The following GRIK4 variants were observed in gnomAD, a reference collection of about 807,000 sequenced individuals.
GRIK4 encodes glutamate receptor ionotropic, kainate 4.
Under a neutral mutation model 104.9 loss-of-function variants are expected in GRIK4, and 40 were observed. The observed-to-expected ratio is 0.38, with a 90% CI of 0.30 to 0.50. The LOEUF (loss-of-function observed/expected upper bound fraction) is 0.50, where lower values mean the gene tolerates loss of function less well. Ranked by LOEUF, GRIK4 falls within the 20% of genes least tolerant of loss-of-function variation. The pLI, the probability that GRIK4 is intolerant of heterozygous loss-of-function variation, is 0.93. For synonymous variants in GRIK4, 485 were observed against 524.9 expected (o/e 0.92, Z 1.04); for missense variants, 1,047 against 1,308.1 (o/e 0.80, Z 3.08).
At chr11:120,516,173 G>T (rs1202405296) in intron 1 of GRIK4, among the ~76,000 whole-genome samples, 1 of 152,206 alleles carries the variant, frequency 6.6e-6, no homozygotes, top group East Asian at 1.9e-4. Flanking sequence ...CCCCTGTTTG[G>T]GGGGTGGGCA....
chr11:120,850,145 C>T (rs772849928), intron 8 of GRIK4, among the ~76,000 whole-genome samples: 18 of 152,208 alleles, frequency 1.2e-4, no homozygotes, highest in Non-Finnish European at 2.1e-4. Context: ...GTTCATATCT[C>T]CTTGGCTTCC....
At chr11:120,615,798 G>T (rs1949104618) in intron 1 of GRIK4, among the ~76,000 whole-genome samples, 1 of 152,126 alleles carries the variant, frequency 6.6e-6, no homozygotes, top group Admixed American at 6.5e-5. Flanking sequence ...GACAACTGAA[G>T]AGCTCTGGAG....
chr11:120,908,438 T>C (rs9704434), intron 13 of GRIK4, among the ~76,000 whole-genome samples: 486 of 34,116 alleles, frequency 0.014, no homozygotes, highest in African/African-American at 0.024. Flanking sequence ...CACACACACA[T>C]ACACACACAC....
At chr11:120,815,860 C>A (rs538694920) in intron 5 of GRIK4, among the ~76,000 whole-genome samples, 2 of 152,312 alleles carry the variant, frequency 1.3e-5, no homozygotes, top group Non-Finnish European at 2.9e-5. Context: ...CCCTGGTTAT[C>A]TGTTTACATA....
intron 9 of GRIK4, chr11:120,871,412 G>A (rs185274586): frequency 1.3e-4 from 46 of 353,330 alleles, no homozygotes; most frequent in Non-Finnish European, 2.4e-4. Context: ...AGAAGGAGCT[G>A]AGGGCAAAGG....
At chr11:120,564,984 T>TGGGGGGGG (rs148651543) in intron 1 of GRIK4, among the ~76,000 whole-genome samples, 1 of 139,048 alleles carries the variant, frequency 7.2e-6, no homozygotes, top group Non-Finnish European at 1.6e-5. Flanking sequence ...TGCGGGGGGG[T>TGGGGGGGG]GGGGGGGGTG....
At chr11:120,951,004 T>C (rs1336105209) in intron 14 of GRIK4, among the ~76,000 whole-genome samples, 3 of 152,156 alleles carry the variant, frequency 2.0e-5, no homozygotes, top group South Asian at 2.1e-4. Context: ...GAACTTGCAA[T>C]TGGTATCAAA....
At chr11:120,589,370 C>G (rs1454039061) in intron 1 of GRIK4, among the ~76,000 whole-genome samples, 2 of 152,134 alleles carry the variant, frequency 1.3e-5, no homozygotes, top group African/African-American at 4.8e-5. Context: ...AAGTCAAAAT[C>G]CTACCTTGGC....
chr11:120,962,015 G>T (rs1944295245), intron 17 of GRIK4, among the ~76,000 whole-genome samples: 1 of 152,338 alleles, frequency 6.6e-6, no homozygotes, highest in South Asian at 2.1e-4. Flanking sequence ...TGGAAAATAG[G>T]AAACTGCTTC....
At chr11:120,841,788 T>G (rs1953722995) in intron 8 of GRIK4, among the ~76,000 whole-genome samples, 1 of 152,226 alleles carries the variant, frequency 6.6e-6, no homozygotes, top group Non-Finnish European at 1.5e-5. Flanking sequence ...TATTTTTCAT[T>G]TTTAAAAATA....
chr11:120,723,050 A>T (rs1405425094), intron 3 of GRIK4, among the ~76,000 whole-genome samples: 4 of 152,138 alleles, frequency 2.6e-5, no homozygotes, highest in Admixed American at 1.3e-4. Context: ...TACTATCTCT[A>T]TTCTCCCCAT....
chr11:120,933,379 C>T (rs995453495), intron 13 of GRIK4, among the ~76,000 whole-genome samples: 2 of 152,158 alleles, frequency 1.3e-5, no homozygotes, highest in African/African-American at 4.8e-5. Flanking sequence ...ACAGCAAAGA[C>T]TTACTGGCTA....
intron 2 of GRIK4, among the ~76,000 whole-genome samples, chr11:120,657,508 G>T (rs1186075135): frequency 6.6e-6 from 1 of 152,118 alleles, no homozygotes; most frequent in Non-Finnish European, 1.5e-5. Context: ...TATGTGCTGT[G>T]CACCTATTAT....
chr11:120,666,758 G>A (rs1223499595), intron 3 of GRIK4, among the ~76,000 whole-genome samples: 3 of 152,204 alleles, frequency 2.0e-5, no homozygotes, highest in Non-Finnish European at 4.4e-5. Flanking sequence ...GTTGGATCGA[G>A]CAGCGTGGCC....
chr11:120,925,735 ACTGAGGCGGGTGATCAC>A (rs556872775), intron 13 of GRIK4, among the ~76,000 whole-genome samples: 35 of 152,176 alleles, frequency 2.3e-4, no homozygotes, highest in African/African-American at 8.4e-4. Flanking sequence ...ACTTTGGGAG[ACTGAGGCGGGTGATCAC>A]CTGAGGTCGG....
rs1411370784 is a variant in GRIK4, at chr11:120,819,569, C to A, written c.346-186C>A. Among the ~76,000 whole-genome samples, 8 of 152,188 alleles carry A rather than the reference C, an allele frequency of 5.3e-5. No individual in the cohort carries two copies. The highest frequency in any genetic ancestry group is 1.7e-4 in the African/African-American group (7 of 41,458). ...TGGGGCTGCTTCTTTGAAGCATCAT[C>A]AGGGATGTCATCGCTCGTCTTCCTC... is the stretch of plus-strand genomic sequence containing the variant. On this transcript the variant is annotated intron_variant, in intron 5 of 20. Transcript: ENST00000527524. The surrounding 1 kb of genome is among the most constrained non-coding windows in gnomAD (Gnocchi z 4.3).
chr11:120,600,335 T>TC (rs1270245366), intron 1 of GRIK4, among the ~76,000 whole-genome samples: 2 of 151,828 alleles, frequency 1.3e-5, no homozygotes, highest in East Asian at 1.9e-4. Context: ...TGGGAGTTTT[T>TC]CCCCCCTCTG....
At chr11:120,598,852 A>G (rs1397937300) in intron 1 of GRIK4, among the ~76,000 whole-genome samples, 1 of 152,230 alleles carries the variant, frequency 6.6e-6, no homozygotes, top group Admixed American at 6.5e-5. Context: ...TACTTTTTAC[A>G]TCCTCTGTTA....
chr11:120,643,205 C>T (rs1317514), intron 1 of GRIK4, among the ~76,000 whole-genome samples: 107,465 of 152,090 alleles, frequency 0.71, 38,274 homozygotes, highest in African/African-American at 0.81. Context: ...AATTATATAA[C>T]AAGCTACAAG....
Sources: allele counts gnomAD v4.1 joint callset (sites outside exome capture counted in the v4.1 genomes callset), GRCh38; gene constraint gnomAD v4.1.1; non-coding constraint Gnocchi (gnomAD v3.1); transcripts MANE v1.5; gene names NCBI Gene and HGNC (gene_info 2026-07-23, HGNC 2026-07-21).